The following XRCC1 variants were observed in gnomAD, a reference collection of about 807,000 sequenced individuals.
The protein encoded by XRCC1 is DNA repair protein XRCC1.
In XRCC1, 52 loss-of-function variants were observed where a neutral mutation model predicts 83.3. The ratio of observed to expected loss-of-function variants is 0.62; its 90% confidence interval spans 0.50 to 0.79. The LOEUF (loss-of-function observed/expected upper bound fraction) is 0.79. Among genes scored for constraint, XRCC1 ranks in the 30% least tolerant of loss-of-function variants. The pLI is 0.00. For missense variants in XRCC1, 793 were observed against 823.5 expected, an observed-to-expected ratio of 0.96 and a Z score of 0.45; for synonymous variants, 281 against 312.6, an observed-to-expected ratio of 0.90 and a Z score of 1.07.
intron 3 of XRCC1, among the ~76,000 whole-genome samples, chr19:43,557,539 G>A (rs1381136046): frequency 6.6e-6 from 1 of 151,966 alleles, no homozygotes; most frequent in African/African-American, 2.4e-5. Flanking sequence ...TCCTGACCTT[G>A]ACTATACTTG....
intron 2 of XRCC1, among the ~76,000 whole-genome samples, chr19:43,567,094 A>G (rs1316741104): frequency 1.3e-5 from 2 of 152,258 alleles, no homozygotes; most frequent in South Asian, 2.1e-4. Flanking sequence ...GTATACATTT[A>G]TAAGTCCAGA....
intron 2 of XRCC1, among the ~76,000 whole-genome samples, chr19:43,563,474 T>C (rs921011683): frequency 4.6e-5 from 7 of 152,064 alleles, no homozygotes; most frequent in Non-Finnish European, 8.8e-5. Context: ...GCTTGGGCGA[T>C]GGAGTGAGAC....
intron 2 of XRCC1, among the ~76,000 whole-genome samples, chr19:43,572,105 C>T (rs1031667552): frequency 5.3e-5 from 8 of 152,110 alleles, no homozygotes; most frequent in East Asian, 1.9e-4. Context: ...TGTTGGTGAC[C>T]GCTGCAATAC....
intron 3 of XRCC1, 127 bp from the exon 4 acceptor site, chr19:43,554,931 C>G: frequency 9.5e-7 from 1 of 1,055,628 alleles, no homozygotes; most frequent in Non-Finnish European, 1.4e-6. Context: ...GTAGCTTGGG[C>G]CTAGATGTCT....
chr19:43,560,361 A>G (rs1166806173), intron 3 of XRCC1, among the ~76,000 whole-genome samples: 1 of 150,996 alleles, frequency 6.6e-6, no homozygotes, highest in Admixed American at 6.6e-5. Flanking sequence ...GCGCCAGTGC[A>G]CTCACTCCAG....
intron 10 of XRCC1, among the ~76,000 whole-genome samples, chr19:43,548,785 A>AAAAAAAAAAAAAAAAC (rs1600044829): frequency 3.5e-5 from 5 of 142,346 alleles, no homozygotes; most frequent in Admixed American, 3.5e-4. Flanking sequence ...AAAAAAAAAA[A>AAAAAAAAAAAAAAAAC]ACACAACAGT....
intron 10 of XRCC1, among the ~76,000 whole-genome samples, chr19:43,550,029 G>C (rs1196041386): frequency 6.6e-6 from 1 of 151,940 alleles, no homozygotes; most frequent in Non-Finnish European, 1.5e-5. Context: ...CCCACCTGCA[G>C]CCTCCCCTTG....
rs772372987 is a variant in XRCC1, at chr19:43,552,187, G to A, written c.912C>T (p.Thr304=). Residue 304 remains threonine (T), a synonymous_variant, in exon 9 of 17, where the codon ACC becomes ACT. Transcript: ENST00000262887. ...AVTGKPRGEG[T]EPRRPRAGPE... ...GGCCAGCTCGGGGTCGTCTGGGCTC[G>A]GTGCCTTCTCCTCGGGGTTTGCCTG... is the stretch of plus-strand genomic sequence containing the variant. 2.6e-5 allele frequency: 42 copies of A among 1,613,868 alleles called. No homozygotes were observed. Among genetic ancestry groups the A allele is most frequent in the East Asian group, 2.2e-4 (10 of 44,874 alleles).
In XRCC1 at chr19:43,551,259, C is replaced by T. The variant is rs10419662; in HGVS notation, c.1199+312G>A. ...CTGGGATTACAGGCGTGAGCCACTG[C>T]ACCGGGACTCACTTTGAATGAATGA... On this transcript the variant is annotated intron_variant, in intron 10 of 16. Transcript: ENST00000262887. Among the ~76,000 whole-genome samples, 362 of 152,354 alleles carry T rather than the reference C, an allele frequency of 2.4e-3. 3 individuals carry two copies. The highest frequency in any genetic ancestry group is 8.2e-3 in the African/African-American group (343 of 41,590).
chr19:43,544,094 G>C lies in XRCC1; in HGVS notation c.1712+50C>G, dbSNP rs372332552. ...CACCCCTCCCAGCAGGTCCCTGAGC[G>C]TTCCCTTGGATCCATCACCCCTTCC... is the stretch of plus-strand genomic sequence containing the variant. On this transcript the variant is annotated intron_variant, in intron 15 of 16. Transcript: ENST00000262887. The C allele has an allele frequency of 6.0e-6, 9 of 1,505,506 alleles. No homozygotes were observed. The East Asian group carries it at 1.9e-4, about 31-fold the overall frequency. 93.3% of individuals were successfully genotyped at this position (1,505,506 alleles called of 1,614,324 possible).
chr19:43,549,276 T>A (rs943424494), intron 10 of XRCC1, among the ~76,000 whole-genome samples: 1 of 152,186 alleles, frequency 6.6e-6, no homozygotes, highest in African/African-American at 2.4e-5. Context: ...ATTTTTATTT[T>A]TTGAGACAGA....
At chr19:43,560,655 C>T (rs1051422127) in intron 3 of XRCC1, among the ~76,000 whole-genome samples, 4 of 152,188 alleles carry the variant, frequency 2.6e-5, no homozygotes, top group Non-Finnish European at 4.4e-5. Context: ...AGACTTCTGA[C>T]CTCCAGAACA....
At chr19:43,571,566 C>A (rs542240784) in intron 2 of XRCC1, among the ~76,000 whole-genome samples, 2 of 152,212 alleles carry the variant, frequency 1.3e-5, no homozygotes, top group African/African-American at 2.4e-5. Flanking sequence ...CGCAATGGTG[C>A]GATCATAGCT....
chr19:43,543,361 T>C lies in XRCC1; in HGVS notation c.*31A>G. ...TGCATCGTGTGTGTGTGTGTGTGTG[T>C]GTGTGTGTGTGTGTGTGTATAGCAC... On this transcript the variant is annotated 3_prime_UTR_variant, in exon 17 of 17. Coordinates refer to ENST00000262887, the MANE Select transcript of XRCC1 (RefSeq NM_006297.3). The C allele has an allele frequency of 7.2e-7, 1 of 1,393,764 alleles. No individual in the cohort carries two copies. Among genetic ancestry groups the C allele is most frequent in the Non-Finnish European group, 1.0e-6 (1 of 989,026 alleles). The allele number at this position is 1,393,764 out of a possible 1,614,324, so 86.3% of individuals were successfully genotyped here.
chr19:43,570,454 C>G (rs1477048829), intron 2 of XRCC1, among the ~76,000 whole-genome samples: 1 of 152,126 alleles, frequency 6.6e-6, no homozygotes, highest in South Asian at 2.1e-4. Context: ...TTTTGCATAA[C>G]AATAATTAGA....
Position 43,544,196 on chromosome 19 carries a change from A to T in XRCC1, c.1660T>A (p.Phe554Ile), listed in dbSNP as rs772722747. The T allele has an allele frequency of 1.2e-6, 2 of 1,610,944 alleles. No individual in the cohort carries two copies. The highest frequency in any genetic ancestry group is 1.7e-6 in the Non-Finnish European group (2 of 1,178,798). The change falls in exon 15 of 17, where the codon TTC (phenylalanine) becomes ATC (isoleucine). Residue 554 changes from phenylalanine to isoleucine, a missense_variant. Physicochemically the swap from Phe to Ile is conservative, Grantham distance 21. Coordinates refer to ENST00000262887, the MANE Select transcript of XRCC1 (RefSeq NM_006297.3). ...QGKHFFLYGEFPGDERRKLIR... is the reference protein window; with the variant it reads ...QGKHFFLYGEIPGDERRKLIR... ...AGTTTCCGCCGCTCGTCCCCAGGGAACTCCCCGTAAAGAAAGAAGTGCTTG... is the reference window on the plus strand; with the variant it reads ...AGTTTCCGCCGCTCGTCCCCAGGGATCTCCCCGTAAAGAAAGAAGTGCTTG...
intron 2 of XRCC1, among the ~76,000 whole-genome samples, chr19:43,567,298 A>C (rs1296088422): frequency 2.0e-5 from 3 of 150,064 alleles, no homozygotes; most frequent in Non-Finnish European, 1.5e-5. Flanking sequence ...TGAAATGTGC[A>C]CTTTATTTAT....
At chr19:43,554,980 C>CCTG in intron 3 of XRCC1, 176 bp from the exon 4 acceptor site, 1 of 595,520 alleles carries the variant, frequency 1.7e-6, no homozygotes, top group South Asian at 2.5e-5. Flanking sequence ...CAGTCCTGCC[C>CCTG]TGACACAGGC....
Position 43,543,489 on chromosome 19 carries a change from G to A in XRCC1, c.1805C>T (p.Pro602Leu), listed in dbSNP as rs1972476102. The change falls in exon 17 of 17, where the codon CCC becomes CTC. Residue 602 changes from proline (P) to leucine (L), a missense_variant. Physicochemically the swap from Pro to Leu is moderately conservative, Grantham distance 98. Transcript: ENST00000262887. ...TCGGGGACGAACGAATGCCAGGGAG[G>A]GGTTGTCCATCAGGGCCTGCAGGGT... Reference protein sequence around the residue: ...PSFEEALMDNPSLAFVRPRWI... With the variant: ...PSFEEALMDNLSLAFVRPRWI... 1.2e-6 allele frequency: 2 copies of A among 1,613,772 alleles called. No individual in the cohort carries two copies. Among genetic ancestry groups the A allele is most frequent in the South Asian group, 1.1e-5 (1 of 91,062 alleles).
Sources: gnomAD v4.1 joint callset for allele counts (sites outside exome capture counted in the v4.1 genomes callset) on GRCh38, gnomAD v4.1.1 for gene constraint, MANE v1.5 for transcripts, NCBI Gene and HGNC (gene_info 2026-07-23, HGNC 2026-07-21) for gene names.